The following NAV2 variants were observed in gnomAD, a reference collection of about 807,000 sequenced individuals.
The protein encoded by NAV2 is neuron navigator 2, also known as helicase, APC down-regulated 1.
A neutral mutation model predicts 223.2 loss-of-function variants in NAV2; 54 were observed. The ratio of observed to expected loss-of-function variants is 0.24; its 90% CI spans 0.19 to 0.30. The LOEUF (loss-of-function observed/expected upper bound fraction) is 0.30. NAV2 is among the 10% of genes least tolerant of loss of function. The pLI is 1.00. For synonymous variants in NAV2, 1,279 were observed against 1,239.3 expected (o/e 1.03, Z -0.67); for missense variants, 2,806 against 3,147.5 (o/e 0.89, Z 2.60).
At chr11:19,870,472 G>A (rs2062410053) in intron 4 of NAV2, among the ~76,000 whole-genome samples, 1 of 152,080 alleles carries the variant, frequency 6.6e-6, no homozygotes, top group Admixed American at 6.5e-5. Context: ...TGGCAGCAGG[G>A]CCTCTTGGGT....
chr11:19,961,318 G>A (rs1309266141), intron 10 of NAV2, among the ~76,000 whole-genome samples: 1 of 152,060 alleles, frequency 6.6e-6, no homozygotes, highest in Non-Finnish European at 1.5e-5. Context: ...ATTTTTCAAG[G>A]GCCAGCAGCT....
At chr11:20,035,890 T>TAC in intron 11 of NAV2, 69 bp from the exon 12 acceptor site, 1 of 1,591,004 alleles carries the variant, frequency 6.3e-7, no homozygotes, top group Non-Finnish European at 8.6e-7. Context: ...TGTTTGTCTG[T>TAC]CTGTGTCATC....
chr11:19,445,273 T>C (rs11025138), intron 1 of NAV2, among the ~76,000 whole-genome samples: 37,694 of 151,858 alleles, frequency 0.25, 5,126 homozygotes, highest in Non-Finnish European at 0.31. Flanking sequence ...TTCTGGCAGG[T>C]GGTTTTTTTT....
intron 1 of NAV2, among the ~76,000 whole-genome samples, chr11:19,499,043 C>T (rs1994406): frequency 0.8 from 121,356 of 152,172 alleles, 49,179 homozygotes; most frequent in Non-Finnish European, 0.88. Context: ...TCATTCATTT[C>T]ATGCAAGCCA....
chr11:19,860,298 C>T (rs1175577155), intron 3 of NAV2, among the ~76,000 whole-genome samples: 1 of 138,680 alleles, frequency 7.2e-6, no homozygotes, highest in Admixed American at 6.9e-5. Context: ...GGCGGAGGGG[C>T]TCCTCACTTC....
At chr11:19,967,800 A>T (rs1437102581) in intron 10 of NAV2, among the ~76,000 whole-genome samples, 1 of 152,148 alleles carries the variant, frequency 6.6e-6, no homozygotes, top group African/African-American at 2.4e-5. Flanking sequence ...CAGTTTTATG[A>T]TTCAGGGTAT....
intron 1 of NAV2, among the ~76,000 whole-genome samples, chr11:19,694,787 T>C (rs116240708): frequency 2.0e-3 from 299 of 152,352 alleles, no homozygotes; most frequent in African/African-American, 6.8e-3. Flanking sequence ...ATTGCTCGTC[T>C]AAGTCCATTT....
At chr11:19,720,550 A>G (rs1207533861) in intron 1 of NAV2, among the ~76,000 whole-genome samples, 1 of 152,216 alleles carries the variant, frequency 6.6e-6, no homozygotes, top group African/African-American at 2.4e-5. Flanking sequence ...GACAGAGGAT[A>G]GGGTAGAAAT....
intron 35 of NAV2, among the ~76,000 whole-genome samples, chr11:20,106,189 A>ATG (rs2062061875): frequency 6.1e-5 from 1 of 16,280 alleles, no homozygotes; most frequent in African/African-American, 1.5e-4. Context: ...GTGTGTATAT[A>ATG]TATATATATA....
At chr11:19,505,223 G>A (rs1407552962) in intron 1 of NAV2, 1 of 152,258 alleles carries the variant, frequency 6.6e-6, no homozygotes, top group Non-Finnish European at 1.5e-5. Flanking sequence ...GCTTTGGAAT[G>A]CAGAAAGCCA....
chr11:19,824,175 A>G (rs79172483), intron 1 of NAV2, among the ~76,000 whole-genome samples: 6,559 of 152,290 alleles, frequency 0.043, 476 homozygotes, highest in African/African-American at 0.15. Context: ...TTTAATCTGT[A>G]AAGCAACTGT....
At chr11:19,606,723 T>G (rs2046483703) in intron 1 of NAV2, among the ~76,000 whole-genome samples, 2 of 152,366 alleles carry the variant, frequency 1.3e-5, no homozygotes, top group Middle Eastern at 3.4e-3. Context: ...CCAAGAGATA[T>G]GACACCCAGA....
chr11:19,879,002 G>C (rs1375753826), intron 4 of NAV2, among the ~76,000 whole-genome samples: 2 of 152,110 alleles, frequency 1.3e-5, no homozygotes, highest in Non-Finnish European at 2.9e-5. Context: ...TTGCCCCCAA[G>C]GTTCCCTTTC....
At chr11:19,872,619 A>G (rs2062584331) in intron 4 of NAV2, among the ~76,000 whole-genome samples, 1 of 152,234 alleles carries the variant, frequency 6.6e-6, no homozygotes, top group Non-Finnish European at 1.5e-5. Flanking sequence ...GGAAGGCCCC[A>G]TAGATACATC....
At chr11:19,348,950 C>T (rs1315993811), upstream of NAV2, among the ~76,000 whole-genome samples, 1 of 152,208 alleles carries the variant, frequency 6.6e-6, no homozygotes, top group African/African-American at 2.4e-5. Flanking sequence ...TTGTGGTCTG[C>T]AGCTGAAAAG....
intron 1 of NAV2, among the ~76,000 whole-genome samples, chr11:19,543,124 T>C (rs1375966791): frequency 6.6e-6 from 1 of 152,184 alleles, no homozygotes; most frequent in Non-Finnish European, 1.5e-5. Flanking sequence ...TAAAAAGCAA[T>C]ATAAATTTGA....
At chr11:19,483,004 C>G (rs944533025) in intron 1 of NAV2, among the ~76,000 whole-genome samples, 1 of 152,190 alleles carries the variant, frequency 6.6e-6, no homozygotes, top group Non-Finnish European at 1.5e-5. Flanking sequence ...CATTGCCTTT[C>G]CCACATCCCA....
chr11:19,838,115 T>C (rs1372987), intron 2 of NAV2, among the ~76,000 whole-genome samples: 6 of 152,056 alleles, frequency 3.9e-5, no homozygotes, highest in Non-Finnish European at 7.4e-5. Flanking sequence ...GTGACTTTTC[T>C]GTAAGTTTGA....
Position 19,719,892 on chromosome 11 carries a change from G to A in NAV2, c.267+5930G>A, listed in dbSNP as rs144236754. Among the ~76,000 whole-genome samples the A allele has an allele frequency of 2.5e-4, 38 of 152,320 alleles. No homozygotes were observed. In the East Asian group the frequency reaches 2.5e-3, roughly 10 times the overall value. Reference sequence around the variant, plus strand: ...GGATCCGCTACAAACCAAACTTGTGGGAAGCTTCCTTTGTACAACTAGTCT... The same window carrying A: ...GGATCCGCTACAAACCAAACTTGTGAGAAGCTTCCTTTGTACAACTAGTCT... On this transcript the variant is annotated intron_variant, in intron 1 of 37. Coordinates refer to ENST00000349880, the MANE Select transcript of NAV2 (RefSeq NM_145117.5).
Sources: gnomAD v4.1 joint callset for allele counts (sites outside exome capture counted in the v4.1 genomes callset) on GRCh38, gnomAD v4.1.1 for gene constraint, MANE v1.5 for transcripts, NCBI Gene and HGNC (gene_info 2026-07-23, HGNC 2026-07-21) for gene names.